SPSB4: variants seen among roughly 807,000 people sequenced by gnomAD.
SPSB4 encodes SPRY domain-containing SOCS box protein 4.
SPSB4 carries 21 observed loss-of-function variants against 20.9 expected under a neutral mutation model. The ratio of observed to expected loss-of-function variants is 1.01; its 90% CI spans 0.71 to 1.45. SPSB4 has a LOEUF of 1.45. Ranked by LOEUF, SPSB4 falls within the 40% of genes most tolerant of loss-of-function variation. SPSB4 has a pLI of 0.00. For synonymous variants in SPSB4, 207 were observed against 183.8 expected, an observed-to-expected ratio of 1.13 and a Z score of -1.02; for missense variants, 399 against 399.2, an observed-to-expected ratio of 1.00 and a Z score of 0.00.
intron 1 of SPSB4, among the ~76,000 whole-genome samples, chr3:141,056,923 ACCT>A (rs1332380688): frequency 6.6e-6 from 1 of 151,816 alleles, no homozygotes; most frequent in East Asian, 1.9e-4. Flanking sequence ...AGCCTAGCAA[ACCT>A]CCTTCATCCC....
At chr3:141,121,654 C>T (rs780571343) in intron 2 of SPSB4, among the ~76,000 whole-genome samples, 11 of 152,294 alleles carry the variant, frequency 7.2e-5, no homozygotes, top group Non-Finnish European at 1.5e-4. Context: ...CGCTTTATTT[C>T]ATTCATTTGA....
chr3:141,129,594 T>C (rs1939103554), intron 2 of SPSB4, among the ~76,000 whole-genome samples: 1 of 152,224 alleles, frequency 6.6e-6, no homozygotes, highest in Non-Finnish European at 1.5e-5. Context: ...TGCACACGCA[T>C]GCACACATGA....
intron 2 of SPSB4, among the ~76,000 whole-genome samples, chr3:141,128,089 G>C (rs188667148): frequency 2.3e-3 from 356 of 152,294 alleles, no homozygotes; most frequent in African/African-American, 8.3e-3. Flanking sequence ...ACGGCCCTGC[G>C]GCCTCCAGGT....
chr3:141,136,794 G>T (rs1412633347), intron 2 of SPSB4, among the ~76,000 whole-genome samples: 3 of 152,080 alleles, frequency 2.0e-5, no homozygotes, highest in Non-Finnish European at 2.9e-5. Flanking sequence ...GCTTTGTTCT[G>T]TTGGCTTAGG....
chr3:141,112,265 G>A (rs1306921074), intron 2 of SPSB4, among the ~76,000 whole-genome samples: 1 of 152,190 alleles, frequency 6.6e-6, no homozygotes, highest in Non-Finnish European at 1.5e-5. Flanking sequence ...AACAGTGCCT[G>A]GTACAGTAGA....
intron 2 of SPSB4, among the ~76,000 whole-genome samples, chr3:141,140,260 T>A (rs1177383206): frequency 6.6e-6 from 1 of 152,218 alleles, no homozygotes; most frequent in African/African-American, 2.4e-5. Context: ...AGTTTTTAAC[T>A]TCTTTGCCAT....
At chr3:141,119,811 T>C (rs144468243) in intron 2 of SPSB4, among the ~76,000 whole-genome samples, 6,253 of 152,248 alleles carry the variant, frequency 0.041, 428 homozygotes, top group African/African-American at 0.14. Context: ...ATTTCTTCTT[T>C]ATTAGTTTTG....
chr3:141,121,403 T>A (rs1345565480), intron 2 of SPSB4, among the ~76,000 whole-genome samples: 1 of 152,222 alleles, frequency 6.6e-6, no homozygotes, highest in Non-Finnish European at 1.5e-5. Flanking sequence ...GGGTTGCTCT[T>A]CTCAAGGAGT....
chr3:141,082,135 G>T (rs1375167810), intron 2 of SPSB4, among the ~76,000 whole-genome samples: 1 of 152,180 alleles, frequency 6.6e-6, no homozygotes. Context: ...CACATTCCTT[G>T]TCCCTGACAC....
chr3:141,096,146 G>A (rs1938544401), intron 2 of SPSB4, among the ~76,000 whole-genome samples: 1 of 152,146 alleles, frequency 6.6e-6, no homozygotes, highest in South Asian at 2.1e-4. Context: ...TTCTGCCTCA[G>A]TCAGAAGCCT....
intron 2 of SPSB4, among the ~76,000 whole-genome samples, chr3:141,078,251 CAG>C (rs1245293339): frequency 1.3e-5 from 2 of 152,234 alleles, no homozygotes; most frequent in Non-Finnish European, 2.9e-5. Context: ...GTGGAAGACA[CAG>C]ATCTCTGCTG....
rs561578380 is a variant in SPSB4, at chr3:141,051,795, C to A, written c.-351C>A. The A allele has an allele frequency of 2.4e-4, 37 of 152,380 alleles. No homozygotes were observed. Among genetic ancestry groups the A allele is most frequent in the African/African-American group, 8.9e-4 (37 of 41,574 alleles). The allele number at this position is 152,380 out of a possible 1,614,324, so 9.4% of individuals were successfully genotyped here. A position where few individuals can be genotyped will look rare whatever the true frequency, so the allele number is the denominator to read the frequency against. ...AAGAACGCTCCTAACTCCAGGCCAT[C>A]CTGCAGCGCAGAGGGGGCGCTGCTG... is the stretch of plus-strand genomic sequence containing the variant. On this transcript the variant is annotated 5_prime_UTR_variant, in exon 1 of 3. Transcript: ENST00000310546.
intron 2 of SPSB4, among the ~76,000 whole-genome samples, chr3:141,141,825 G>A (rs1041920196): frequency 6.6e-6 from 1 of 152,120 alleles, no homozygotes; most frequent in Non-Finnish European, 1.5e-5. Flanking sequence ...TTTCTAGTTT[G>A]TATGTGTAAA....
intron 2 of SPSB4, among the ~76,000 whole-genome samples, chr3:141,105,174 TCTC>T (rs1443295237): frequency 2.6e-5 from 4 of 152,168 alleles, no homozygotes; most frequent in African/African-American, 9.6e-5. Flanking sequence ...GGATGGGAAT[TCTC>T]CTTCAGAACT....
chr3:141,055,891 C>T (rs567153500), intron 1 of SPSB4, among the ~76,000 whole-genome samples: 15 of 152,200 alleles, frequency 9.9e-5, no homozygotes, highest in Non-Finnish European at 2.1e-4. Flanking sequence ...CCAGGCAGGG[C>T]TGACCAGGGG....
At chr3:141,056,269 G>A (rs1937637008) in intron 1 of SPSB4, among the ~76,000 whole-genome samples, 2 of 152,346 alleles carry the variant, frequency 1.3e-5, no homozygotes, top group Admixed American at 6.5e-5. Context: ...GCCTTGGCCC[G>A]GTTTACTGGC....
chr3:141,106,408 C>T (rs777632923), intron 2 of SPSB4, among the ~76,000 whole-genome samples: 11 of 152,166 alleles, frequency 7.2e-5, no homozygotes, highest in Non-Finnish European at 1.3e-4. Flanking sequence ...CTGGGATCTG[C>T]TCTGACTGCA....
chr3:141,122,770 T>C (rs1938989296), intron 2 of SPSB4, among the ~76,000 whole-genome samples: 1 of 152,244 alleles, frequency 6.6e-6, no homozygotes, highest in African/African-American at 2.4e-5. Context: ...GGGAATTTCC[T>C]GGTCTGCCTG....
intron 2 of SPSB4, among the ~76,000 whole-genome samples, chr3:141,102,342 AACAT>A (rs1407506903): frequency 1.3e-5 from 2 of 152,178 alleles, no homozygotes; most frequent in African/African-American, 4.8e-5. Flanking sequence ...TAGCAAGGAA[AACAT>A]ACAACCGATT....
Sources: gnomAD v4.1 joint callset for allele counts (sites outside exome capture counted in the v4.1 genomes callset) on GRCh38, gnomAD v4.1.1 for gene constraint, MANE v1.5 for transcripts, NCBI Gene and HGNC (gene_info 2026-07-23, HGNC 2026-07-21) for gene names.